The following EP400 variants were observed in gnomAD, a reference collection of about 807,000 sequenced individuals.
EP400 encodes the protein E1A-binding protein p400.
A neutral mutation model predicts 354.1 loss-of-function variants in EP400; 105 were observed. That is an observed-to-expected ratio of 0.30 (90% CI 0.25 to 0.35). The LOEUF (loss-of-function observed/expected upper bound fraction) is 0.35, where lower values mean the gene tolerates loss of function less well. EP400 is among the 10% of genes least tolerant of loss of function. The pLI, the probability that EP400 is intolerant of heterozygous loss-of-function variation, is 1.00. For synonymous variants in EP400, 1,646 were observed against 1,716.9 expected, an observed-to-expected ratio of 0.96 and a Z score of 1.02; for missense variants, 3,280 against 4,121.0, an observed-to-expected ratio of 0.80 and a Z score of 5.59.
In EP400 at chr12:132,053,375, G is replaced by A. The variant is rs536723284; in HGVS notation, c.7506G>A (p.Pro2502=). The A allele has an allele frequency of 6.3e-5, 99 of 1,570,076 alleles. 1 individual carries two copies. In the African/African-American group the frequency reaches 1.2e-3, roughly 18 times the overall value. The change falls in exon 43 of 53, where the codon CCG becomes CCA. Residue 2502 remains proline, a synonymous_variant. Transcript: ENST00000389561. ...CTGATCAGCAGAAGGCACAGCAGCC[G>A]GCCGTGGCCCAGCCACCCCCGCCCC... ...ALADQQKAQQ[P]AVAQPPPPQP...
At chr12:131,993,583 G>A (rs1478190071) in intron 11 of EP400, among the ~76,000 whole-genome samples, 1 of 152,202 alleles carries the variant, frequency 6.6e-6, no homozygotes, top group Non-Finnish European at 1.5e-5. Context: ...ACAGTCATGT[G>A]TTTCTTAACA....
chr12:132,008,781 C>A (rs191298092), intron 15 of EP400, among the ~76,000 whole-genome samples: 1 of 151,484 alleles, frequency 6.6e-6, no homozygotes. Context: ...CTATGCCTGG[C>A]TAATTTTTTT....
Position 132,062,171 on chromosome 12 carries a change from G to A in EP400, c.7946G>A (p.Gly2649Asp). The A allele has an allele frequency of 6.2e-7, 1 of 1,614,010 alleles. No homozygotes were observed. The highest frequency in any genetic ancestry group is 2.2e-5 in the East Asian group (1 of 44,876). ...ACCCAGCCCCCGCCACGGGCAGTCG[G>A]CTCCCCAGCCACGGCGACCCCTGAC... ...VHTQPPPRAV[G>D]SPATATPDLV... The change falls in exon 46 of 53, where the codon GGC becomes GAC. Residue 2649 changes from glycine (G) to aspartate (D), a missense_variant. Physicochemically the swap from Gly to Asp is moderately conservative, Grantham distance 94. Around this residue, in one of 20 missense-constraint regions of EP400, gnomAD observed 255 missense variants for 295.9 expected, o/e 0.86. Transcript: ENST00000389561.
intron 30 of EP400, among the ~76,000 whole-genome samples, chr12:132,035,549 C>T (rs1484720270): frequency 2.7e-5 from 4 of 150,414 alleles, no homozygotes; most frequent in South Asian, 2.1e-4. Context: ...CACACAGCAT[C>T]GTGGAACAAC....
At chr12:131,995,584 G>A (rs1220313048) in intron 12 of EP400, among the ~76,000 whole-genome samples, 4 of 148,270 alleles carry the variant, frequency 2.7e-5, no homozygotes, top group African/African-American at 7.5e-5. Context: ...TGAATGTACC[G>A]TTCATCCTGA....
At chr12:131,984,821 C>T (rs137953705) in intron 5 of EP400, among the ~76,000 whole-genome samples, 1 of 151,886 alleles carries the variant, frequency 6.6e-6, no homozygotes, top group Admixed American at 6.6e-5. Context: ...GCCTCAGCCT[C>T]CCGAGTAGCT....
chr12:132,020,243 C>G (rs1894081410), intron 22 of EP400, 25 bp downstream of exon 22: 4 of 1,570,636 alleles, frequency 2.5e-6, no homozygotes, highest in South Asian at 1.2e-5. Flanking sequence ...GTTGTCTGCT[C>G]TCCGCCTTAT....
At chr12:131,987,345 C>T (rs1476009520) in intron 6 of EP400, among the ~76,000 whole-genome samples, 1 of 152,226 alleles carries the variant, frequency 6.6e-6, no homozygotes. Flanking sequence ...ATTTATCCCA[C>T]TCCTTTCCAG....
chr12:132,006,609 T>C (rs1893590535), intron 14 of EP400, 91 bp from the exon 15 acceptor site: 4 of 1,308,336 alleles, frequency 3.1e-6, no homozygotes, highest in Non-Finnish European at 4.2e-6. Flanking sequence ...TTCTAATTGG[T>C]TTATCATGTG....
chr12:132,041,956 C>CTT lies in EP400; in HGVS notation c.6208-1335_6208-1334dup, dbSNP rs60120894. ...TCTCTATTTCTTTTTTTTTCTTTTT[C>CTT]TTTTTTTTTTTTTTAAGACGGAGTC... On this transcript the variant is annotated intron_variant, in intron 32 of 52. Coordinates refer to ENST00000389561, the MANE Select transcript of EP400 (RefSeq NM_015409.5). Among the ~76,000 whole-genome samples, 108 of 132,948 alleles carry CTT rather than the reference C, an allele frequency of 8.1e-4. 1 individual carries two copies. Among genetic ancestry groups the CTT allele is most frequent in the African/African-American group, 2.1e-3 (75 of 35,506 alleles). 87.2% of individuals were successfully genotyped at this position (132,948 alleles called of 152,430 possible).
At chr12:132,053,061 G>C in intron 41 of EP400, 85 bp from the exon 42 acceptor site, 1 of 1,437,828 alleles carries the variant, frequency 7.0e-7, no homozygotes. Context: ...CCCAGCACCT[G>C]GCAGCATGGT....
Position 131,982,337 on chromosome 12 carries a change from T to G in EP400, c.1788T>G (p.Thr596=). 1.9e-6 allele frequency: 3 copies of G among 1,614,048 alleles called. No homozygotes were observed. The highest frequency in any genetic ancestry group is 2.5e-6 in the Non-Finnish European group (3 of 1,179,998). The change falls in exon 5 of 53, where the codon ACT becomes ACG. Residue 596 remains threonine, a synonymous_variant. Transcript: ENST00000389561. The part of the protein sequence containing the change: ...AQTQLQIPVK[T]QQPNVPIPAP... ...CACAGCTCCAAATCCCGGTGAAGAC[T>G]CAGCAGCCCAATGTTCCCATCCCTG...
chr12:132,077,349 C>T (rs1280506496), intron 52 of EP400, 52 bp from the exon 53 acceptor site: 3 of 1,576,418 alleles, frequency 1.9e-6, no homozygotes, highest in East Asian at 2.2e-5. Context: ...ATTTTCCTGT[C>T]CCTGGACTGA....
intron 23 of EP400, among the ~76,000 whole-genome samples, chr12:132,023,226 G>A (rs761271296): frequency 3.4e-5 from 5 of 149,092 alleles, no homozygotes; most frequent in African/African-American, 5.0e-5. Context: ...TCTGCCTCCC[G>A]GGTTCAAGCA....
chr12:131,985,023 T>TG (rs1781192748), intron 5 of EP400, among the ~76,000 whole-genome samples: 1 of 152,244 alleles, frequency 6.6e-6, no homozygotes, highest in Non-Finnish European at 1.5e-5. Flanking sequence ...CTGTTTTTTT[T>TG]TTTTTACTTT....
At position 132,017,956 on chromosome 12, in the gene EP400, G is replaced by A. The variant is rs1427221953; in HGVS notation, c.4110+235G>A. Reference sequence around the variant, plus strand: ...GCTCACAGAGTGGAAAGATGCAGAGGGCAGGCTTTCTTGGCGTTGTGTGGA... The same window carrying A: ...GCTCACAGAGTGGAAAGATGCAGAGAGCAGGCTTTCTTGGCGTTGTGTGGA... On this transcript the variant is annotated intron_variant, in intron 20 of 52. Transcript: ENST00000389561. The surrounding 1 kb of genome is among the most constrained non-coding windows in gnomAD (Gnocchi z 5.0). 6.6e-6 allele frequency among the ~76,000 whole-genome samples: 1 copy of A among 152,204 alleles called. No individual in the cohort carries two copies. The highest frequency in any genetic ancestry group is 2.4e-5 in the African/African-American group (1 of 41,438).
intron 2 of EP400, 79 bp downstream of exon 2, chr12:131,962,033 T>A: frequency 6.8e-7 from 1 of 1,462,950 alleles, no homozygotes; most frequent in Non-Finnish European, 9.1e-7. Flanking sequence ...TAAGTAATAA[T>A]TTATTGAGCC....
Position 132,005,108 on chromosome 12 carries a change from G to A in EP400, c.2859G>A (p.Leu953=), listed in dbSNP as rs141619076. 260 of 1,589,068 alleles carry A rather than the reference G, an allele frequency of 1.6e-4. No homozygotes were observed. In the African/African-American group the frequency reaches 2.9e-3, roughly 18 times the overall value. ...TGCCCCTCCTGGACCTGATGAAGCT[G>A]TACGAAGGCGCCTTCCTGCCGAGTT... ...AELPLLDLMK[L]YEGAFLPSSQ... is the part of the protein sequence containing the mutation. Residue 953 remains leucine, a synonymous_variant, in exon 13 of 53, where the codon CTG becomes CTA. Transcript: ENST00000389561.
rs377619480 is a variant in EP400 at position 132,044,158 on chromosome 12, T to C, written c.6451-19T>C. ...GCTGCACTCCTGATCCTGAAAGTTC[T>C]TGCTGCTCTCCCCGTCAGGACGCAG... On this transcript the variant is annotated intron_variant, in intron 34 of 52. Coordinates refer to ENST00000389561, the MANE Select transcript of EP400 (RefSeq NM_015409.5). 2 of 1,612,244 alleles carry C rather than the reference T, an allele frequency of 1.2e-6. No homozygotes were observed. The highest frequency in any genetic ancestry group is 2.2e-5 in the East Asian group (1 of 44,830).
Sources: allele counts gnomAD v4.1 joint callset (sites outside exome capture counted in the v4.1 genomes callset), GRCh38; gene constraint gnomAD v4.1.1; regional missense constraint gnomAD v4.1.1; non-coding constraint Gnocchi (gnomAD v3.1); transcripts MANE v1.5; gene names NCBI Gene and HGNC (gene_info 2026-07-23, HGNC 2026-07-21).